The following ATG10 variants were observed in gnomAD, a reference collection of about 807,000 sequenced individuals.
ATG10 encodes the protein ubiquitin-like-conjugating enzyme ATG10.
ATG10 carries 30 observed loss-of-function variants against 32.1 expected under a neutral mutation model. The observed-to-expected ratio is 0.94, with a 90% CI of 0.70 to 1.27. ATG10 has a LOEUF of 1.27. Among genes scored for constraint, ATG10 ranks in the 50% most tolerant of loss-of-function variants. The pLI is 0.00. For missense variants in ATG10, 233 were observed against 262.3 expected, an observed-to-expected ratio of 0.89 and a Z score of 0.77; for synonymous variants, 87 against 91.5, an observed-to-expected ratio of 0.95 and a Z score of 0.28.
In ATG10 at chr5:82,138,065, C is replaced by T. The variant is rs150036885; in HGVS notation, c.217-26334C>T. Among the ~76,000 whole-genome samples, 731 of 152,248 alleles carry T rather than the reference C, an allele frequency of 4.8e-3. 3 individuals are homozygous for T. Among genetic ancestry groups the T allele is most frequent in the Non-Finnish European group, 8.5e-3 (579 of 68,004 alleles). On this transcript the variant is annotated intron_variant, in intron 3 of 7. Coordinates refer to ENST00000282185, the MANE Select transcript of ATG10 (RefSeq NM_031482.5). ...CTAGTCAAGACTCAGTAATGGTGGA[C>T]GCCCCTGTCCCCAGCAAGCTTGAGT...
At chr5:82,125,916 GT>G (rs1453496260) in intron 3 of ATG10, among the ~76,000 whole-genome samples, 1 of 152,104 alleles carries the variant, frequency 6.6e-6, no homozygotes, top group African/African-American at 2.4e-5. Context: ...AGCATGGAAT[GT>G]TTTTTTCTAT....
At chr5:82,080,551 G>T (rs1764440131) in intron 3 of ATG10, among the ~76,000 whole-genome samples, 1 of 152,202 alleles carries the variant, frequency 6.6e-6, no homozygotes, top group Admixed American at 6.5e-5. Context: ...AAGGTGTAAG[G>T]AAGGGATCCA....
chr5:82,238,404 C>A (rs1159387736), intron 5 of ATG10, among the ~76,000 whole-genome samples: 1 of 134,052 alleles, frequency 7.5e-6, no homozygotes, highest in Non-Finnish European at 1.6e-5. Flanking sequence ...CACTAGGGAT[C>A]TGCTTTTTCA....
At chr5:82,050,596 A>G (rs1581637069) in intron 2 of ATG10, among the ~76,000 whole-genome samples, 1 of 152,008 alleles carries the variant, frequency 6.6e-6, no homozygotes, top group South Asian at 2.1e-4. Context: ...AGAAGTAAGT[A>G]GTATAATAGG....
At chr5:82,079,333 G>A (rs1764388255) in intron 3 of ATG10, among the ~76,000 whole-genome samples, 1 of 151,854 alleles carries the variant, frequency 6.6e-6, no homozygotes, top group African/African-American at 2.4e-5. Context: ...GATGGCAGCA[G>A]GCAAAGAGAG....
In ATG10 at chr5:82,058,717, C is replaced by G. The variant is rs568426556; in HGVS notation, c.216+115C>G. ...CTATGGAAGCACCACAATTATATGG[C>G]ACTCATATTGAAATAAAATACTTTA... On this transcript the variant is annotated intron_variant, in intron 3 of 7. Coordinates refer to ENST00000282185, the MANE Select transcript of ATG10 (RefSeq NM_031482.5). 20 of 619,484 alleles carry G rather than the reference C, an allele frequency of 3.2e-5. No individual in the cohort carries two copies. The East Asian group carries it at 5.4e-4, about 17-fold the overall frequency. The allele number at this position is 619,484 out of a possible 1,614,324, so 38.4% of individuals were successfully genotyped here. A position where few individuals can be genotyped will look rare whatever the true frequency, so the allele number is the denominator to read the frequency against.
At chr5:82,194,922 T>TCCA (rs1410109312) in intron 5 of ATG10, among the ~76,000 whole-genome samples, 1 of 152,232 alleles carries the variant, frequency 6.6e-6, no homozygotes, top group Non-Finnish European at 1.5e-5. Context: ...GCTTCTGGGT[T>TCCA]ATTAAGCTAA....
At chr5:82,215,483 T>C (rs1015115284) in intron 5 of ATG10, among the ~76,000 whole-genome samples, 3 of 152,212 alleles carry the variant, frequency 2.0e-5, no homozygotes, top group Non-Finnish European at 4.4e-5. Flanking sequence ...ACCTTGAGTT[T>C]TTTCAATGGT....
intron 5 of ATG10, among the ~76,000 whole-genome samples, chr5:82,229,922 C>G (rs1420436134): frequency 6.6e-6 from 1 of 152,162 alleles, no homozygotes; most frequent in African/African-American, 2.4e-5. Flanking sequence ...ATAATGCAGG[C>G]CTGTTCGTAT....
At chr5:82,147,318 A>C (rs1767397754) in intron 3 of ATG10, 1 of 169,078 alleles carries the variant, frequency 5.9e-6, no homozygotes, top group East Asian at 1.9e-4. Flanking sequence ...ACAGGGGTTC[A>C]CCACTACACC....
chr5:81,979,761 G>C (rs146246386), intron 1 of ATG10, among the ~76,000 whole-genome samples: 149 of 135,970 alleles, frequency 1.1e-3, no homozygotes, highest in African/African-American at 4.0e-3. Context: ...TGTAGGCTAT[G>C]TTTAGGCATA....
intron 2 of ATG10, among the ~76,000 whole-genome samples, chr5:82,053,429 C>T (rs1168181279): frequency 1.3e-5 from 2 of 150,312 alleles, no homozygotes; most frequent in Non-Finnish European, 3.0e-5. Flanking sequence ...AATGCTTTTT[C>T]ACATTTTGAT....
At chr5:82,032,756 A>G (rs966729139) in intron 2 of ATG10, among the ~76,000 whole-genome samples, 2 of 150,674 alleles carry the variant, frequency 1.3e-5, no homozygotes, top group Admixed American at 6.6e-5. Context: ...ATTATATATT[A>G]TAATATATAC....
intron 3 of ATG10, among the ~76,000 whole-genome samples, chr5:82,139,124 G>A (rs1490734764): frequency 2.8e-4 from 41 of 145,814 alleles, no homozygotes; most frequent in African/African-American, 8.7e-4. Flanking sequence ...GATTGCAGAC[G>A]GAGTCTCGTT....
intron 2 of ATG10, among the ~76,000 whole-genome samples, chr5:82,016,388 C>CT (rs1297844513): frequency 5.3e-5 from 8 of 152,072 alleles, no homozygotes; most frequent in African/African-American, 1.7e-4. Context: ...TCAGTTGACT[C>CT]TAAGTATTTG....
intron 5 of ATG10, among the ~76,000 whole-genome samples, chr5:82,209,248 T>C (rs961319154): frequency 2.0e-5 from 3 of 152,186 alleles, no homozygotes; most frequent in African/African-American, 7.2e-5. Context: ...ACTTTTAATA[T>C]TAACTTCATG....
chr5:82,085,805 AT>A (rs1177951161), intron 3 of ATG10, among the ~76,000 whole-genome samples: 9 of 152,194 alleles, frequency 5.9e-5, no homozygotes, highest in African/African-American at 1.4e-4. Context: ...AGGTTTTTCT[AT>A]TTTTATTGAA....
rs1210853257 is a variant in ATG10, at chr5:81,977,924, G to A, written c.-13+5618G>A. 2.6e-5 allele frequency among the ~76,000 whole-genome samples: 4 copies of A among 152,128 alleles called. No homozygotes were observed. The East Asian group carries it at 7.7e-4, about 29-fold the overall frequency. ...TTTTGCAAGAAGAAAAATTTAAAGGGAATGTGCCTTTCATTACAAAAATGT... is the reference window on the plus strand; with the variant it reads ...TTTTGCAAGAAGAAAAATTTAAAGGAAATGTGCCTTTCATTACAAAAATGT... On this transcript the variant is annotated intron_variant, in intron 1 of 7. Coordinates refer to ENST00000282185, the MANE Select transcript of ATG10 (RefSeq NM_031482.5).
At chr5:82,237,134 AC>A (rs1561372677) in intron 5 of ATG10, among the ~76,000 whole-genome samples, 5 of 152,124 alleles carry the variant, frequency 3.3e-5, no homozygotes, top group African/African-American at 1.2e-4. Context: ...CATCAACAAA[AC>A]CAAACAAACA....
Sources: gnomAD v4.1 joint callset for allele counts (sites outside exome capture counted in the v4.1 genomes callset) on GRCh38, gnomAD v4.1.1 for gene constraint, MANE v1.5 for transcripts, NCBI Gene and HGNC (gene_info 2026-07-23, HGNC 2026-07-21) for gene names.